SOX5: variants seen among roughly 807,000 people sequenced by gnomAD.
The protein encoded by SOX5 is SRY-box transcription factor 5.
In SOX5, 9 loss-of-function variants were observed where a neutral mutation model predicts 92.0. The observed-to-expected ratio is 0.10, with a 90% CI of 0.06 to 0.17. SOX5 has a LOEUF of 0.17. SOX5 is among the 10% of genes least tolerant of loss of function. The pLI is 1.00. For synonymous variants in SOX5, 344 were observed against 336.3 expected (o/e 1.02, Z -0.25); for missense variants, 642 against 944.5 (o/e 0.68, Z 4.20).
rs1337332976 is a variant in SOX5 at position 23,533,178 on chromosome 12, T to C, written c.*1041A>G. ...CAGTCACTTGGGAGGATGTGGGATTTCATCCCCAGATGTGGGTTTAACTCA... is the reference window on the plus strand; with the variant it reads ...CAGTCACTTGGGAGGATGTGGGATTCCATCCCCAGATGTGGGTTTAACTCA... On this transcript the variant is annotated 3_prime_UTR_variant, in exon 15 of 15. Transcript: ENST00000451604. 1 of 456,414 alleles carries C rather than the reference T, an allele frequency of 2.2e-6. No homozygotes were observed. Among genetic ancestry groups the C allele is most frequent in the Non-Finnish European group, 4.4e-6 (1 of 226,820 alleles). The allele number at this position is 456,414 out of a possible 1,614,324, so 28.3% of individuals were successfully genotyped here.
chr12:23,548,643 AT>A lies in SOX5; in HGVS notation c.1489-2220del, dbSNP rs965118100. On this transcript the variant is annotated intron_variant, in intron 11 of 14. Coordinates refer to ENST00000451604, the MANE Select transcript of SOX5 (RefSeq NM_006940.6). ...CAAATCAAAAGGATAACGTTGCCACATTTTTTTTAAAAAAAGTGTGGACAAT... is the reference window on the plus strand; with the variant it reads ...CAAATCAAAAGGATAACGTTGCCACATTTTTTTAAAAAAAGTGTGGACAAT... Among the ~76,000 whole-genome samples the A allele has an allele frequency of 4.6e-5, 7 of 151,952 alleles. No homozygotes were observed. The South Asian group carries it at 1.0e-3, about 23-fold the overall frequency.
intron 9 of SOX5, among the ~76,000 whole-genome samples, chr12:23,591,010 G>T (rs1002599154): frequency 6.6e-6 from 1 of 151,680 alleles, no homozygotes; most frequent in Non-Finnish European, 1.5e-5. Flanking sequence ...TTTAAAGCAG[G>T]ACTCAAACAT....
intron 6 of SOX5, among the ~76,000 whole-genome samples, chr12:23,678,941 T>C (rs1214587591): frequency 6.6e-6 from 1 of 152,124 alleles, no homozygotes; most frequent in African/African-American, 2.4e-5. Context: ...TTATAACTTG[T>C]ATAAAAAATT....
chr12:23,797,399 G>A (rs1242981461), intron 3 of SOX5, among the ~76,000 whole-genome samples: 1 of 151,994 alleles, frequency 6.6e-6, no homozygotes, highest in Non-Finnish European at 1.5e-5. Context: ...AATTTCCTAA[G>A]TTATGAAGCA....
intron 6 of SOX5, among the ~76,000 whole-genome samples, chr12:23,686,840 G>C (rs997790746): frequency 6.6e-6 from 1 of 151,954 alleles, no homozygotes; most frequent in Non-Finnish European, 1.5e-5. Context: ...AACTGGAGGA[G>C]ACAACAACAG....
At chr12:24,498,439 CTCTT>C (rs1947863726) in intron 1 of SOX5, among the ~76,000 whole-genome samples, 1 of 152,112 alleles carries the variant, frequency 6.6e-6, no homozygotes, top group Non-Finnish European at 1.5e-5. Flanking sequence ...TTCCTTCTAC[CTCTT>C]TCTTTCTCAA....
At chr12:24,402,586 C>A (rs1961990292) in intron 1 of SOX5, among the ~76,000 whole-genome samples, 1 of 152,016 alleles carries the variant, frequency 6.6e-6, no homozygotes, top group South Asian at 2.1e-4. Context: ...AAAGCTTATA[C>A]AATTTGGGGG....
chr12:23,894,387 C>A (rs1244841649), intron 2 of SOX5, among the ~76,000 whole-genome samples: 1 of 152,056 alleles, frequency 6.6e-6, no homozygotes, highest in Non-Finnish European at 1.5e-5. Flanking sequence ...GTCACCATGC[C>A]CAGCTAATCT....
chr12:24,171,575 AGGCAAT>A (rs1245113243), intron 4 of SOX5, among the ~76,000 whole-genome samples: 4 of 152,104 alleles, frequency 2.6e-5, no homozygotes, highest in Non-Finnish European at 5.9e-5. Flanking sequence ...GAATTTTATG[AGGCAAT>A]GGAGAAAAAC....
At chr12:24,042,134 AAAGT>A (rs1569518206) in intron 4 of SOX5, among the ~76,000 whole-genome samples, 3 of 152,092 alleles carry the variant, frequency 2.0e-5, no homozygotes, top group Non-Finnish European at 4.4e-5. Context: ...ATTGTGAAGA[AAAGT>A]TAGTGCAGAC....
At chr12:23,853,665 T>C (rs1207108342) in intron 2 of SOX5, among the ~76,000 whole-genome samples, 1 of 152,004 alleles carries the variant, frequency 6.6e-6, no homozygotes, top group Non-Finnish European at 1.5e-5. Flanking sequence ...TGTTTTCATG[T>C]GCTCTCAAAA....
chr12:24,411,523 T>C (rs188635223), intron 1 of SOX5, among the ~76,000 whole-genome samples: 86 of 152,320 alleles, frequency 5.6e-4, no homozygotes, highest in African/African-American at 1.9e-3. Context: ...TAAATGTCTG[T>C]GGAATTTTGT....
intron 4 of SOX5, among the ~76,000 whole-genome samples, chr12:24,032,025 A>G (rs186964540): frequency 1.3e-5 from 2 of 152,080 alleles, no homozygotes; most frequent in East Asian, 1.9e-4. Flanking sequence ...TGCTGTTACT[A>G]TTAGTAAGCA....
At chr12:24,540,513 T>C (rs1310505785) in intron 1 of SOX5, among the ~76,000 whole-genome samples, 3 of 152,094 alleles carry the variant, frequency 2.0e-5, no homozygotes, top group Non-Finnish European at 4.4e-5. Context: ...TGGTGACAAA[T>C]TTCATAATTT....
chr12:24,011,480 A>G (rs1179672834), intron 4 of SOX5, among the ~76,000 whole-genome samples: 1 of 152,140 alleles, frequency 6.6e-6, no homozygotes, highest in Non-Finnish European at 1.5e-5. Flanking sequence ...CTTTGCATCT[A>G]TTCTTTCTTT....
At position 24,209,024 on chromosome 12, in the gene SOX5, G is replaced by C. The variant is rs577093865; in HGVS notation, c.-2+4319C>G. Among the ~76,000 whole-genome samples, 7 of 152,300 alleles carry C rather than the reference G, an allele frequency of 4.6e-5. No homozygotes were observed. The South Asian group carries it at 1.4e-3, about 32-fold the overall frequency. ...GACTGCAATTTAAGATAAGGCTTTA[G>C]GGAAATTTGTACATGAAGGGAGTGG... On this transcript the variant is annotated intron_variant, in intron 4 of 4. Coordinates refer to the SOX5 transcript ENST00000446891.
At chr12:24,522,288 C>A (rs2970419) in intron 1 of SOX5, among the ~76,000 whole-genome samples, 100,415 of 151,324 alleles carry the variant, frequency 0.66, 34,701 homozygotes, top group East Asian at 0.98. Context: ...TCAAAAATCA[C>A]CAAAGAAAAG....
intron 1 of SOX5, among the ~76,000 whole-genome samples, chr12:24,521,790 C>G (rs1950285151): frequency 6.6e-6 from 1 of 151,786 alleles, no homozygotes; most frequent in South Asian, 2.1e-4. Flanking sequence ...ATACCAAAAC[C>G]TATGGGATGA....
At chr12:24,249,189 G>A (rs1939523195) in intron 3 of SOX5, among the ~76,000 whole-genome samples, 1 of 152,172 alleles carries the variant, frequency 6.6e-6, no homozygotes, top group African/African-American at 2.4e-5. Flanking sequence ...TCCCAGTACT[G>A]GGGAGGGAGA....
Sources: gnomAD v4.1 joint callset for allele counts (sites outside exome capture counted in the v4.1 genomes callset) on GRCh38, gnomAD v4.1.1 for gene constraint, MANE v1.5 for transcripts, NCBI Gene and HGNC (gene_info 2026-07-23, HGNC 2026-07-21) for gene names.